CPVL: variants seen among roughly 807,000 people sequenced by gnomAD.
The protein encoded by CPVL is carboxypeptidase vitellogenic like.
In CPVL, 51 loss-of-function variants were observed where a neutral mutation model predicts 63.7. That is an observed-to-expected ratio of 0.80 (90% CI 0.64 to 1.01). CPVL has a LOEUF of 1.01. CPVL is among the 50% of genes least tolerant of loss of function. The pLI, the probability that CPVL is intolerant of heterozygous loss-of-function variation, is 0.00. For synonymous variants in CPVL, 195 were observed against 206.0 expected (o/e 0.95, Z 0.46); for missense variants, 530 against 573.1 (o/e 0.92, Z 0.77).
At chr7:29,080,110 A>C (rs2128588034) in intron 7 of CPVL, among the ~76,000 whole-genome samples, 1 of 152,246 alleles carries the variant, frequency 6.6e-6, no homozygotes, top group South Asian at 2.1e-4. Flanking sequence ...AGAGAAGGGC[A>C]ATGAAAGGGA....
At chr7:29,113,889 C>T (rs1389170732) in intron 2 of CPVL, 1 of 152,248 alleles carries the variant, frequency 6.6e-6, no homozygotes, top group South Asian at 2.1e-4. Flanking sequence ...GAAGAAGAAT[C>T]CTTTAGTGGT....
intron 12 of CPVL, among the ~76,000 whole-genome samples, chr7:29,002,552 G>T (rs530163157): frequency 1.2e-3 from 189 of 151,930 alleles, no homozygotes; most frequent in African/African-American, 4.2e-3. Flanking sequence ...AATTTAAGGA[G>T]AAAAAAAGAT....
chr7:29,052,179 CAG>C (rs1373037125), intron 11 of CPVL, among the ~76,000 whole-genome samples: 1 of 151,640 alleles, frequency 6.6e-6, no homozygotes, highest in Non-Finnish European at 1.5e-5. Flanking sequence ...ATACTACAAA[CAG>C]GGTGTGTTGT....
chr7:29,020,825 G>C (rs180948754), intron 12 of CPVL, among the ~76,000 whole-genome samples: 9 of 152,302 alleles, frequency 5.9e-5, no homozygotes, highest in African/African-American at 1.9e-4. Flanking sequence ...CCTCAGGCAA[G>C]AGAGGTGCTA....
intron 5 of CPVL, among the ~76,000 whole-genome samples, chr7:29,164,556 G>A (rs551165143): frequency 4.0e-5 from 6 of 151,844 alleles, no homozygotes; most frequent in South Asian, 4.2e-4. Context: ...GGGCTGAGGC[G>A]GGCAGATCAT....
At chr7:29,086,083 G>A (rs1005802109) in intron 7 of CPVL, among the ~76,000 whole-genome samples, 11 of 152,136 alleles carry the variant, frequency 7.2e-5, no homozygotes, top group Admixed American at 2.0e-4. Context: ...CATGAGGTCA[G>A]GAGTTCAAGA....
intron 5 of CPVL, among the ~76,000 whole-genome samples, chr7:29,178,177 C>T (rs1797601179): frequency 6.6e-6 from 1 of 152,208 alleles, no homozygotes; most frequent in Admixed American, 6.5e-5. Context: ...GGAATAGTCA[C>T]ATAGCCACCG....
intron 2 of CPVL, among the ~76,000 whole-genome samples, chr7:29,186,252 G>T (rs1798690196): frequency 6.8e-6 from 1 of 146,452 alleles, no homozygotes; most frequent in Admixed American, 6.7e-5. Context: ...TATGTTTTAG[G>T]CAAAAAAAAA....
At chr7:29,140,170 T>C (rs1463617065) in intron 1 of CPVL, among the ~76,000 whole-genome samples, 2 of 152,160 alleles carry the variant, frequency 1.3e-5, no homozygotes, top group African/African-American at 4.8e-5. Flanking sequence ...CTGGACACAG[T>C]GGCTCACACT....
chr7:29,014,412 G>A (rs746269848), intron 12 of CPVL, among the ~76,000 whole-genome samples: 3 of 152,214 alleles, frequency 2.0e-5, no homozygotes, highest in Non-Finnish European at 4.4e-5. Flanking sequence ...AGCTCACTGC[G>A]CCTCGACCTC....
chr7:29,138,627 C>T (rs954718559), intron 1 of CPVL, among the ~76,000 whole-genome samples: 5 of 152,132 alleles, frequency 3.3e-5, no homozygotes, highest in Admixed American at 6.5e-5. Context: ...TGAAAATCAG[C>T]TCTGCTGCTA....
intron 1 of CPVL, among the ~76,000 whole-genome samples, chr7:29,131,824 C>T (rs1462381647): frequency 1.3e-5 from 2 of 152,170 alleles, no homozygotes; most frequent in Non-Finnish European, 2.9e-5. Flanking sequence ...CACCTCCACT[C>T]TTGAAAGGAG....
intron 11 of CPVL, among the ~76,000 whole-genome samples, chr7:29,032,674 G>A (rs560846925): frequency 2.0e-5 from 3 of 152,286 alleles, no homozygotes; most frequent in Admixed American, 2.0e-4. Context: ...CTAGAATTCA[G>A]TGTAAAAGAT....
At chr7:29,010,567 T>A (rs1785716798) in intron 12 of CPVL, 1 of 152,146 alleles carries the variant, frequency 6.6e-6, no homozygotes, top group Non-Finnish European at 1.5e-5. Context: ...GACAAGACAG[T>A]CTCTTTGTTA....
intron 5 of CPVL, among the ~76,000 whole-genome samples, chr7:29,158,400 T>C (rs1247198055): frequency 6.6e-6 from 1 of 152,218 alleles, no homozygotes; most frequent in Non-Finnish European, 1.5e-5. Flanking sequence ...TGATGTCTGA[T>C]CCATAACCAA....
intron 11 of CPVL, among the ~76,000 whole-genome samples, chr7:29,040,807 T>C (rs972340577): frequency 6.6e-6 from 1 of 152,160 alleles, no homozygotes; most frequent in Non-Finnish European, 1.5e-5. Context: ...AAAAAATTAT[T>C]CCTGCTTTCT....
chr7:29,156,328 C>G (rs1197552873), intron 5 of CPVL, among the ~76,000 whole-genome samples: 1 of 152,074 alleles, frequency 6.6e-6, no homozygotes, highest in Admixed American at 6.6e-5. Context: ...GATTAAATGC[C>G]AAAATTAAGC....
chr7:29,178,653 T>C (rs1262629169), intron 5 of CPVL, among the ~76,000 whole-genome samples: 1 of 152,204 alleles, frequency 6.6e-6, no homozygotes, highest in African/African-American at 2.4e-5. Flanking sequence ...AGGGACTTTG[T>C]TTATTGTTAT....
intron 12 of CPVL, among the ~76,000 whole-genome samples, chr7:29,016,228 G>T (rs1288420695): frequency 6.6e-6 from 1 of 151,938 alleles, no homozygotes; most frequent in Non-Finnish European, 1.5e-5. Flanking sequence ...GTGGGGACCT[G>T]TAATCCCAGC....
Sources: allele counts gnomAD v4.1 joint callset (sites outside exome capture counted in the v4.1 genomes callset), GRCh38; gene constraint gnomAD v4.1.1; transcripts MANE v1.5; gene names NCBI Gene and HGNC (gene_info 2026-07-23, HGNC 2026-07-21).